The following NOD2 variants were observed in gnomAD, a reference collection of about 807,000 sequenced individuals.
NOD2 encodes the protein nucleotide-binding oligomerization domain-containing protein 2.
Under a neutral mutation model 90.9 loss-of-function variants are expected in NOD2, and 86 were observed. That is an observed-to-expected ratio of 0.95 (90% CI 0.79 to 1.13). The LOEUF (loss-of-function observed/expected upper bound fraction) is 1.13. NOD2 is among the 50% of genes most tolerant of loss of function. NOD2 has a pLI of 0.00. For synonymous variants in NOD2, 581 were observed against 554.6 expected (o/e 1.05, Z -0.67); for missense variants, 1,238 against 1,283.8 (o/e 0.96, Z 0.55).
intron 1 of NOD2, among the ~76,000 whole-genome samples, chr16:50,698,916 TC>T: frequency 6.6e-6 from 1 of 150,622 alleles, no homozygotes; most frequent in African/African-American, 2.4e-5. Flanking sequence ...AAGATCTCTC[TC>T]TCTCTCTCTG....
At chr16:50,716,451 C>A in intron 4 of NOD2, 136 bp from the exon 5 acceptor site, 1 of 841,024 alleles carries the variant, frequency 1.2e-6, no homozygotes, top group Non-Finnish European at 1.9e-6. Context: ...TTTTGGGGTG[C>A]TCCATCTATG....
At chr16:50,721,041 A>G (rs992809858) in intron 7 of NOD2, among the ~76,000 whole-genome samples, 4 of 151,380 alleles carry the variant, frequency 2.6e-5, no homozygotes, top group Admixed American at 6.6e-5. Flanking sequence ...CTGATCTCAG[A>G]TGATCCGCCC....
intron 4 of NOD2, among the ~76,000 whole-genome samples, 197 bp from the exon 5 acceptor site, chr16:50,716,390 T>C (rs1050838301): frequency 3.3e-5 from 5 of 152,142 alleles, no homozygotes; most frequent in African/African-American, 1.2e-4. Flanking sequence ...GCCATCCCCA[T>C]CATAGTGCAC....
rs1205006732 is a variant in NOD2 at position 50,711,198 on chromosome 16, T to C, written c.1206T>C (p.Ala402=). 10 of 1,614,070 alleles carry C rather than the reference T, an allele frequency of 6.2e-6. No individual in the cohort carries two copies. The South Asian group carries it at 9.9e-5, about 16-fold the overall frequency. ...ARKVVTSRPA[A]VSAFLRKYIR... is the part of the protein sequence containing the mutation. ...AGGTGGTGACCAGCCGTCCGGCCGCTGTGTCGGCGTTCCTCAGGAAGTACA... is the reference window on the plus strand; with the variant it reads ...AGGTGGTGACCAGCCGTCCGGCCGCCGTGTCGGCGTTCCTCAGGAAGTACA... The change falls in exon 4 of 12, where the codon GCT becomes GCC. Residue 402 remains alanine (A), a synonymous_variant. Coordinates refer to ENST00000647318, the MANE Select transcript of NOD2 (RefSeq NM_001370466.1).
In NOD2 at chr16:50,699,673, C is replaced by G; in HGVS notation, c.178C>G (p.Arg60Gly). The change falls in exon 2 of 12, where the codon CGC becomes GGC. Residue 60 changes from arginine to glycine, a missense_variant. By Grantham distance (125) the Arg-to-Gly change is moderately radical. Around this residue, in one of 3 missense-constraint regions of NOD2, gnomAD observed 567 missense variants for 577.3 expected, o/e 0.98. Transcript: ENST00000647318. The stretch of plus-strand genomic sequence containing the variant: ...CCAGCCTCTCTCCCACTTGGCCAGG[C>G]GCCTTCTGGACACCGTCTGGAATAA... ...LGQPLSHLAR[R>G]LLDTVWNKGT... The G allele has an allele frequency of 1.2e-6, 2 of 1,614,154 alleles. No homozygotes were observed. The highest frequency in any genetic ancestry group is 2.2e-5 in the South Asian group (2 of 91,086).
Position 50,723,209 on chromosome 16 carries a change from G to GGA in NOD2, c.2718-88_2718-87dup, listed in dbSNP as rs1299542121. Reference sequence around the variant, plus strand: ...GTGATGTCTGAAATGGAGCAGACCAGGAGAGCACCACGAATTTTGCCCTCC... The same window carrying GGA: ...GTGATGTCTGAAATGGAGCAGACCAGGAGAGAGCACCACGAATTTTGCCCTCC... On this transcript the variant is annotated intron_variant, in intron 8 of 11. Transcript: ENST00000647318. 3.1e-6 allele frequency: 3 copies of GGA among 955,066 alleles called. No homozygotes were observed. In the East Asian group the frequency reaches 7.7e-5, roughly 24 times the overall value. The allele number at this position is 955,066 out of a possible 1,614,324, so 59.2% of individuals were successfully genotyped here. A position where few individuals can be genotyped will look rare whatever the true frequency, so the allele number is the denominator to read the frequency against.
chr16:50,725,432 C>A, intron 9 of NOD2, 57 bp from the exon 10 acceptor site: 1 of 1,360,060 alleles, frequency 7.4e-7, no homozygotes, highest in South Asian at 1.2e-5. Flanking sequence ...CATGTGAGTT[C>A]ATCATCTTCC....
intron 3 of NOD2, among the ~76,000 whole-genome samples, chr16:50,709,159 T>C (rs1225786015): frequency 2.6e-5 from 4 of 152,028 alleles, no homozygotes; most frequent in Non-Finnish European, 5.9e-5. Flanking sequence ...GAGAGGAAGA[T>C]ATCTATCTTA....
At chr16:50,722,801 AC>A (rs1378667703) in intron 8 of NOD2, 96 bp downstream of exon 8, 2 of 1,113,832 alleles carry the variant, frequency 1.8e-6, no homozygotes, top group Non-Finnish European at 2.8e-6. Flanking sequence ...CTTTATTTCT[AC>A]CCCACAATGT....
At chr16:50,730,404 T>C (rs1042103422) in intron 11 of NOD2, among the ~76,000 whole-genome samples, 5 of 152,234 alleles carry the variant, frequency 3.3e-5, no homozygotes, top group South Asian at 4.1e-4. Flanking sequence ...TTAAAAAGAA[T>C]GACTAGCCTT....
Position 50,711,287 on chromosome 16 carries a change from G to A in NOD2, c.1295G>A (p.Arg432His), listed in dbSNP as rs753458507. The A allele has an allele frequency of 5.0e-6, 8 of 1,613,566 alleles. No homozygotes were observed. Among genetic ancestry groups the A allele is most frequent in the African/African-American group, 1.3e-5 (1 of 74,934 alleles). The change falls in exon 4 of 12, where the codon CGC (arginine) becomes CAC (histidine). Residue 432 changes from arginine (R) to histidine (H), a missense_variant. This residue lies in a region of NOD2 where 567 missense variants were observed against 577.3 expected (regional missense o/e 0.98). Coordinates refer to ENST00000647318, the MANE Select transcript of NOD2 (RefSeq NM_001370466.1). The stretch of plus-strand genomic sequence containing the variant: ...GGCATCGAGCTGTACCTGAGGAAGC[G>A]CCATCATGAGCCCGGGGTGGCGGAC... Reference protein sequence around the residue: ...EQGIELYLRKRHHEPGVADRL... With the variant: ...EQGIELYLRKHHHEPGVADRL...
rs112804988 is a variant in NOD2 at position 50,728,214 on chromosome 16, T to A, written c.2886-1604T>A. ...TTGTAAGAAAATCAGCTTTGATGATTGCTCTCAATTGGTCATTGTCAGCTT... is the reference window on the plus strand; with the variant it reads ...TTGTAAGAAAATCAGCTTTGATGATAGCTCTCAATTGGTCATTGTCAGCTT... On this transcript the variant is annotated intron_variant, in intron 10 of 11. Transcript: ENST00000647318. 1,979 of 231,830 alleles carry A rather than the reference T, an allele frequency of 8.5e-3. 49 individuals carry two copies. The highest frequency in any genetic ancestry group is 0.043 in the African/African-American group (1,866 of 43,896). The allele number at this position is 231,830 out of a possible 1,614,324, so 14.4% of individuals were successfully genotyped here.
intron 4 of NOD2, chr16:50,713,352 T>G (rs780746344): frequency 2.0e-5 from 3 of 152,170 alleles, no homozygotes; most frequent in Non-Finnish European, 4.4e-5. Flanking sequence ...ATACATCTTC[T>G]CTGGGGGCAA....
intron 9 of NOD2, among the ~76,000 whole-genome samples, chr16:50,723,726 A>G (rs1965168530): frequency 6.6e-6 from 1 of 152,236 alleles, no homozygotes; most frequent in African/African-American, 2.4e-5. Context: ...TCATGTCTGT[A>G]AAATGAGGGT....
chr16:50,709,529 AC>A (rs1337357117), intron 3 of NOD2, among the ~76,000 whole-genome samples: 2 of 152,120 alleles, frequency 1.3e-5, no homozygotes, highest in African/African-American at 2.4e-5. Context: ...GGCCTTCCAA[AC>A]ACACCCCGTG....
At position 50,697,274 on chromosome 16, in the gene NOD2, G is replaced by A. The variant is rs746379299; in HGVS notation, c.-8-2214G>A. The A allele has an allele frequency of 2.2e-5, 34 of 1,560,196 alleles. No individual in the cohort carries two copies. The highest frequency in any genetic ancestry group is 2.6e-5 in the Non-Finnish European group (30 of 1,151,450). ...GGAAGAGGGTGGTTCAGCCTCTCAC[G>A]ATGAGGAGGAAAGAGCAAGTGTCCT... On this transcript the variant is annotated intron_variant, in intron 1 of 11. Transcript: ENST00000647318.
rs1417782717 is a variant in NOD2, at chr16:50,710,539, CTCT to C, written c.566-12_566-10del. 3.7e-6 allele frequency: 6 copies of C among 1,614,004 alleles called. No homozygotes were observed. The highest frequency in any genetic ancestry group is 1.3e-5 in the African/African-American group (1 of 74,924). On this transcript the variant is annotated splice_polypyrimidine_tract_variant and intron_variant, in intron 3 of 11. Transcript: ENST00000647318. ...TCACCATGGTGCCACCTTCATCTGCCTCTTCTTCTGCCTTCCAGCTGCCACATG... is the reference window on the plus strand; with the variant it reads ...TCACCATGGTGCCACCTTCATCTGCCTCTTCTGCCTTCCAGCTGCCACATG...
At chr16:50,717,967 C>G (rs1202962408) in intron 6 of NOD2, among the ~76,000 whole-genome samples, 1 of 152,170 alleles carries the variant, frequency 6.6e-6, no homozygotes, top group Non-Finnish European at 1.5e-5. Context: ...TTTCCCAATA[C>G]CTACACACCT....
chr16:50,728,261 C>T, intron 10 of NOD2: 1 of 294,970 alleles, frequency 3.4e-6, no homozygotes. Flanking sequence ...CCAGTACACT[C>T]CTCATCTTCA....
Sources: allele counts gnomAD v4.1 joint callset (sites outside exome capture counted in the v4.1 genomes callset), GRCh38; gene constraint gnomAD v4.1.1; regional missense constraint gnomAD v4.1.1; transcripts MANE v1.5; gene names NCBI Gene and HGNC (gene_info 2026-07-23, HGNC 2026-07-21).